YLPM1: variants seen among roughly 807,000 people sequenced by gnomAD.
YLPM1 encodes the protein YLP motif-containing protein 1.
Under a neutral mutation model 230.0 loss-of-function variants are expected in YLPM1, and 99 were observed. The observed-to-expected ratio is 0.43, with a 90% CI of 0.37 to 0.51. YLPM1 has a LOEUF of 0.51. Ranked by LOEUF, YLPM1 falls within the 20% of genes least tolerant of loss-of-function variation. The probability of loss-of-function intolerance (pLI) is 0.00; values close to 1 mark genes in which losing one functional copy is unlikely to be tolerated. For synonymous variants in YLPM1, 984 were observed against 942.5 expected, an observed-to-expected ratio of 1.04 and a Z score of -0.81; for missense variants, 2,592 against 2,707.7, an observed-to-expected ratio of 0.96 and a Z score of 0.95.
At chr14:74,812,582 T>C in intron 10 of YLPM1, 46 bp from the exon 11 acceptor site, 1 of 1,561,956 alleles carries the variant, frequency 6.4e-7, no homozygotes, top group Admixed American at 1.9e-5. Context: ...AATTTCAAAA[T>C]AATTACTCTA....
chr14:74,783,601 A>G (rs185736636), intron 4 of YLPM1, among the ~76,000 whole-genome samples: 1 of 152,284 alleles, frequency 6.6e-6, no homozygotes, highest in African/African-American at 2.4e-5. Flanking sequence ...CAATCTGCGT[A>G]TTGCTTAGAT....
chr14:74,769,124 G>A (rs1235019401), intron 1 of YLPM1, among the ~76,000 whole-genome samples: 2 of 151,044 alleles, frequency 1.3e-5, no homozygotes, highest in East Asian at 1.9e-4. Flanking sequence ...TGCCCAGGCT[G>A]GAGTGCAGTG....
In YLPM1 at chr14:74,797,693, G is replaced by A. The variant is rs368984549; in HGVS notation, c.2396G>A (p.Gly799Asp). ...GATGGGCCAAGACCCAGATATGAAG[G>A]TCACCCAGCAGAGGGCACTAAAAGC... ...RPDGPRPRYEGHPAEGTKSKW... is the reference protein window; with the variant it reads ...RPDGPRPRYEDHPAEGTKSKW... The change falls in exon 5 of 21, where the codon GGT (glycine) becomes GAT (aspartate). Residue 799 changes from glycine (G) to aspartate (D), a missense_variant. Transcript: ENST00000325680. 1 of 1,612,828 alleles carries A rather than the reference G, an allele frequency of 6.2e-7. No individual in the cohort carries two copies. The highest frequency in any genetic ancestry group is 8.5e-7 in the Non-Finnish European group (1 of 1,179,276).
At chr14:74,791,068 C>T (rs1005574156) in intron 4 of YLPM1, among the ~76,000 whole-genome samples, 6 of 152,028 alleles carry the variant, frequency 3.9e-5, no homozygotes, top group Non-Finnish European at 7.4e-5. Context: ...TTGGTGAATC[C>T]GCATCTCTAC....
At chr14:74,781,178 A>T (rs1202268483) in intron 3 of YLPM1, among the ~76,000 whole-genome samples, 156 bp from the exon 4 acceptor site, 2 of 152,190 alleles carry the variant, frequency 1.3e-5, no homozygotes, top group African/African-American at 4.8e-5. Context: ...AATGATCATC[A>T]CTCAAAGAAC....
intron 19 of YLPM1, 81 bp downstream of exon 19, chr14:74,829,424 C>T: frequency 6.4e-7 from 1 of 1,558,024 alleles, no homozygotes; most frequent in Non-Finnish European, 8.8e-7. Flanking sequence ...GGCAGATGAT[C>T]ACATGGATGC....
chr14:74,822,268 G>A (rs771437805), intron 17 of YLPM1, among the ~76,000 whole-genome samples: 4 of 152,116 alleles, frequency 2.6e-5, no homozygotes, highest in East Asian at 1.9e-4. Context: ...TTTGCAGCGT[G>A]TGTACTAGAA....
chr14:74,788,733 T>C (rs904427704), intron 4 of YLPM1, among the ~76,000 whole-genome samples: 7 of 151,980 alleles, frequency 4.6e-5, no homozygotes, highest in Non-Finnish European at 1.0e-4. Flanking sequence ...GTCCCAGTTA[T>C]GTGGGAGGCT....
intron 18 of YLPM1, among the ~76,000 whole-genome samples, chr14:74,826,321 G>A (rs1208472151): frequency 2.0e-5 from 3 of 152,136 alleles, no homozygotes; most frequent in African/African-American, 7.2e-5. Context: ...AGGATCTTGT[G>A]TCGGATCTTG....
intron 6 of YLPM1, among the ~76,000 whole-genome samples, chr14:74,806,450 C>T (rs1049932845): frequency 1.3e-5 from 2 of 151,800 alleles, no homozygotes; most frequent in Non-Finnish European, 2.9e-5. Flanking sequence ...GCCAGGCACG[C>T]GCCAGGTGGT....
At position 74,798,843 on chromosome 14, in the gene YLPM1, A is replaced by G. The variant is rs771833239; in HGVS notation, c.3546A>G (p.Pro1182=). ...EPGDGGEKMY[P]YHRDEPPRAP... is the part of the protein sequence containing the mutation. ...GAGATGGTGGGGAAAAAATGTATCC[A>G]TATCACCGGGATGAGCCTCCTAGGG... The change falls in exon 5 of 21, where the codon CCA becomes CCG. Residue 1182 remains proline, a synonymous_variant. Coordinates refer to ENST00000325680, the MANE Select transcript of YLPM1 (RefSeq NM_019589.3). 6 of 1,613,838 alleles carry G rather than the reference A, an allele frequency of 3.7e-6. No homozygotes were observed. The highest frequency in any genetic ancestry group is 1.3e-5 in the African/African-American group (1 of 74,896).
intron 1 of YLPM1, among the ~76,000 whole-genome samples, chr14:74,775,067 A>G (rs2091020843): frequency 6.6e-6 from 1 of 152,224 alleles, no homozygotes; most frequent in African/African-American, 2.4e-5. Flanking sequence ...CTGTAATTAT[A>G]TCCTGGGAGC....
At chr14:74,831,266 A>G (rs2091606987) in intron 19 of YLPM1, among the ~76,000 whole-genome samples, 1 of 152,168 alleles carries the variant, frequency 6.6e-6, no homozygotes, top group African/African-American at 2.4e-5. Context: ...CAAAGAATCC[A>G]GGTTTCAAAG....
intron 1 of YLPM1, among the ~76,000 whole-genome samples, chr14:74,767,047 C>T (rs1392403021): frequency 6.6e-6 from 1 of 151,550 alleles, no homozygotes; most frequent in African/African-American, 2.4e-5. Context: ...CCACGCCTGG[C>T]TAATTTTTGT....
intron 17 of YLPM1, chr14:74,821,562 T>C (rs1169106761): frequency 3.3e-5 from 5 of 152,808 alleles, no homozygotes; most frequent in Non-Finnish European, 7.3e-5. Flanking sequence ...ACTTATTGAA[T>C]GGGGAGGCAG....
chr14:74,796,335 A>C (rs8006125), intron 4 of YLPM1, among the ~76,000 whole-genome samples: 2,825 of 152,260 alleles, frequency 0.019, 101 homozygotes, highest in African/African-American at 0.065. Flanking sequence ...ACTTCCAAAC[A>C]TGCTCTGCTG....
rs760862932 is a variant in YLPM1, at chr14:74,798,787, C to T, written c.3490C>T (p.Arg1164Cys). 9.3e-6 allele frequency: 15 copies of T among 1,613,578 alleles called. No homozygotes were observed. The highest frequency in any genetic ancestry group is 3.3e-5 in the Admixed American group (2 of 59,964). Reference sequence around the variant, plus strand: ...GGGACTGGGAAGATCAGATTTTGGTCGTGATAGAGGTCCATTCAGACCAGA... The same window carrying T: ...GGGACTGGGAAGATCAGATTTTGGTTGTGATAGAGGTCCATTCAGACCAGA... ...ERGLGRSDFG[R>C]DRGPFRPEPG... Residue 1164 changes from arginine (R) to cysteine (C), a missense_variant, in exon 5 of 21, where the codon CGT becomes TGT. Physicochemically the swap from Arg to Cys is radical, Grantham distance 180. Coordinates refer to ENST00000325680, the MANE Select transcript of YLPM1 (RefSeq NM_019589.3).
chr14:74,779,530 T>C (rs971493151), intron 2 of YLPM1, among the ~76,000 whole-genome samples: 2 of 152,170 alleles, frequency 1.3e-5, no homozygotes, highest in African/African-American at 2.4e-5. Context: ...AAGAGCCTTA[T>C]ATGAAGGGTT....
At position 74,809,424 on chromosome 14, in the gene YLPM1, AG is replaced by A. The variant is rs777024802; in HGVS notation, c.4568del (p.Gly1523ValfsTer4). On this transcript the variant is annotated frameshift_variant, in exon 7 of 21. Transcript: ENST00000325680. LOFTEE classifies it high-confidence loss of function. ...RPPPPMGKPP[G>X]SIVRPSAPPA... ...CTCCCCCTCCTATGGGCAAACCACC[AG>A]GTTCAATTGTAAGACCCTCTGCTCC... The A allele has an allele frequency of 6.2e-7, 1 of 1,608,292 alleles. No individual in the cohort carries two copies. The highest frequency in any genetic ancestry group is 8.5e-7 in the Non-Finnish European group (1 of 1,177,022).
Sources: allele counts gnomAD v4.1 joint callset (sites outside exome capture counted in the v4.1 genomes callset), GRCh38; gene constraint gnomAD v4.1.1; transcripts MANE v1.5; gene names NCBI Gene and HGNC (gene_info 2026-07-23, HGNC 2026-07-21).